The following PIP5K1B variants were observed in gnomAD, a reference collection of about 807,000 sequenced individuals.
PIP5K1B encodes the protein phosphatidylinositol-4-phosphate 5-kinase type 1 beta.
In PIP5K1B, 42 loss-of-function variants were observed where a neutral mutation model predicts 67.0. The observed-to-expected ratio is 0.63, with a 90% CI of 0.49 to 0.81. PIP5K1B has a LOEUF of 0.81. Among genes scored for constraint, PIP5K1B ranks in the 30% least tolerant of loss-of-function variants. The pLI, the probability that PIP5K1B is intolerant of heterozygous loss-of-function variation, is 0.00. For synonymous variants in PIP5K1B, 214 were observed against 231.4 expected, an observed-to-expected ratio of 0.92 and a Z score of 0.68; for missense variants, 459 against 646.3, an observed-to-expected ratio of 0.71 and a Z score of 3.14.
intron 8 of PIP5K1B, among the ~76,000 whole-genome samples, chr9:68,910,283 T>C (rs909854341): frequency 2.0e-5 from 3 of 152,228 alleles, no homozygotes; most frequent in African/African-American, 7.2e-5. Context: ...ATTTTTGCCC[T>C]TGACACAGTG....
At chr9:68,740,788 T>C (rs1828966940) in intron 1 of PIP5K1B, among the ~76,000 whole-genome samples, 2 of 152,256 alleles carry the variant, frequency 1.3e-5, no homozygotes, top group Admixed American at 1.3e-4. Context: ...TCTCTGACTC[T>C]AGGCAACGTG....
chr9:68,814,636 T>C (rs1032321818), intron 2 of PIP5K1B, among the ~76,000 whole-genome samples: 2 of 152,018 alleles, frequency 1.3e-5, no homozygotes, highest in Non-Finnish European at 2.9e-5. Context: ...GGCAACATAG[T>C]GTGAGACCCC....
chr9:68,878,898 G>A (rs192692060), intron 6 of PIP5K1B, among the ~76,000 whole-genome samples: 16 of 152,172 alleles, frequency 1.1e-4, no homozygotes, highest in African/African-American at 1.2e-4. Flanking sequence ...GGATGCTCAG[G>A]GGGTGAAGGG....
intron 1 of PIP5K1B, among the ~76,000 whole-genome samples, chr9:68,724,580 A>AT (rs1445232323): frequency 6.6e-6 from 1 of 151,812 alleles, no homozygotes; most frequent in Non-Finnish European, 1.5e-5. Context: ...ACATCTTTTC[A>AT]TTTTTTGTGT....
intron 5 of PIP5K1B, among the ~76,000 whole-genome samples, chr9:68,871,161 A>G (rs947066180): frequency 6.6e-6 from 1 of 152,128 alleles, no homozygotes; most frequent in African/African-American, 2.4e-5. Context: ...GTGAAATTCT[A>G]CCCACCAGCC....
At chr9:68,965,896 C>T (rs1829001483) in intron 14 of PIP5K1B, among the ~76,000 whole-genome samples, 1 of 150,968 alleles carries the variant, frequency 6.6e-6, no homozygotes, top group African/African-American at 2.4e-5. Flanking sequence ...ATCGCTTGAA[C>T]CCAGGAGGCG....
At chr9:68,943,329 C>T (rs1365285855) in intron 14 of PIP5K1B, among the ~76,000 whole-genome samples, 1 of 152,026 alleles carries the variant, frequency 6.6e-6, no homozygotes, top group East Asian at 1.9e-4. Context: ...GACAGAAGGG[C>T]CTCGGGTCTT....
intron 4 of PIP5K1B, among the ~76,000 whole-genome samples, 189 bp from the exon 5 acceptor site, chr9:68,863,648 A>G (rs1444666445): frequency 6.6e-6 from 1 of 152,264 alleles, no homozygotes; most frequent in African/African-American, 2.4e-5. Flanking sequence ...ACATTTGAAA[A>G]GAAAGAGCTT....
chr9:68,889,218 C>T (rs1168686615), intron 7 of PIP5K1B, 85 bp downstream of exon 7: 1 of 960,302 alleles, frequency 1.0e-6, no homozygotes, highest in Admixed American at 2.1e-5. Context: ...TTTTCAGTGA[C>T]TCAGGCATGT....
chr9:68,870,031 T>C (rs1342344191), intron 5 of PIP5K1B, among the ~76,000 whole-genome samples: 1 of 152,196 alleles, frequency 6.6e-6, no homozygotes, highest in African/African-American at 2.4e-5. Flanking sequence ...AGCGTGTATT[T>C]GGTGAGGATG....
At chr9:68,777,114 A>G (rs1292454201) in intron 2 of PIP5K1B, among the ~76,000 whole-genome samples, 1 of 152,236 alleles carries the variant, frequency 6.6e-6, no homozygotes, top group African/African-American at 2.4e-5. Flanking sequence ...TGATCTTTAA[A>G]AAATATATCA....
At chr9:68,864,792 A>G (rs935194267) in intron 5 of PIP5K1B, among the ~76,000 whole-genome samples, 1 of 152,228 alleles carries the variant, frequency 6.6e-6, no homozygotes, top group Non-Finnish European at 1.5e-5. Context: ...AAGATATTCA[A>G]TTTGGGGACT....
intron 2 of PIP5K1B, among the ~76,000 whole-genome samples, chr9:68,748,869 C>T (rs1283536421): frequency 1.3e-5 from 2 of 152,114 alleles, no homozygotes; most frequent in Non-Finnish European, 2.9e-5. Flanking sequence ...ACCTCTGCCT[C>T]CCAAAGGGCT....
intron 4 of PIP5K1B, among the ~76,000 whole-genome samples, chr9:68,847,605 A>T (rs1822263972): frequency 6.6e-6 from 1 of 152,020 alleles, no homozygotes; most frequent in Non-Finnish European, 1.5e-5. Flanking sequence ...TATTCTAAAG[A>T]TTCCCAATGT....
intron 14 of PIP5K1B, among the ~76,000 whole-genome samples, chr9:68,985,953 T>C (rs545514116): frequency 1.3e-5 from 2 of 152,376 alleles, no homozygotes; most frequent in East Asian, 3.9e-4. Flanking sequence ...CTTTATTCTT[T>C]TTATTACTGC....
chr9:68,910,427 A>G (rs1166758792), intron 8 of PIP5K1B, among the ~76,000 whole-genome samples: 2 of 152,230 alleles, frequency 1.3e-5, no homozygotes, highest in Non-Finnish European at 2.9e-5. Flanking sequence ...CATTGTAATC[A>G]TGATGCACAG....
At chr9:68,963,497 T>C (rs569295728) in intron 14 of PIP5K1B, among the ~76,000 whole-genome samples, 2 of 83,784 alleles carry the variant, frequency 2.4e-5, no homozygotes, top group East Asian at 7.4e-4. Context: ...AGCAAGACTC[T>C]GTCTCAGAAA....
chr9:68,875,022 T>C (rs1265068306), intron 5 of PIP5K1B, among the ~76,000 whole-genome samples: 3 of 151,972 alleles, frequency 2.0e-5, no homozygotes, highest in African/African-American at 7.3e-5. Context: ...CCCTCCTAAA[T>C]CCCAAAATAT....
chr9:68,815,142 A>G (rs964983636), intron 2 of PIP5K1B, among the ~76,000 whole-genome samples: 8 of 152,272 alleles, frequency 5.3e-5, no homozygotes, highest in Non-Finnish European at 1.5e-5. Flanking sequence ...GATCAAATTG[A>G]AAATCAAATA....
Sources: allele counts gnomAD v4.1 joint callset (sites outside exome capture counted in the v4.1 genomes callset), GRCh38; gene constraint gnomAD v4.1.1; transcripts MANE v1.5; gene names NCBI Gene and HGNC (gene_info 2026-07-23, HGNC 2026-07-21).